The following DGAT1 variants were observed in gnomAD, a reference collection of about 807,000 sequenced individuals.
DGAT1 encodes diacylglycerol O-acyltransferase 1, also known as ACAT related gene product 1.
In DGAT1, 60 loss-of-function variants were observed where a neutral mutation model predicts 72.6. The ratio of observed to expected loss-of-function variants is 0.83; its 90% CI spans 0.67 to 1.02. The LOEUF (loss-of-function observed/expected upper bound fraction) is 1.02, where lower values mean the gene tolerates loss of function less well. DGAT1 is among the 50% of genes least tolerant of loss of function. The pLI, the probability that DGAT1 is intolerant of heterozygous loss-of-function variation, is 0.00. For missense variants in DGAT1, 592 were observed against 670.0 expected (o/e 0.88, Z 1.29); for synonymous variants, 290 against 267.5 (o/e 1.08, Z -0.82).
rs1817200361 is a variant in DGAT1, at chr8:144,316,021, C to G, written c.*533G>C. ...GTGGGTGCAAGTTGACCATCCTGCA[C>G]TGAGGGCCAGAGTGCCGATTCCCGC... On this transcript the variant is annotated 3_prime_UTR_variant, in exon 17 of 17. Coordinates refer to ENST00000528718, the MANE Select transcript of DGAT1 (RefSeq NM_012079.6). 1 of 825,920 alleles carries G rather than the reference C, an allele frequency of 1.2e-6. No individual in the cohort carries two copies. Among genetic ancestry groups the G allele is most frequent in the Non-Finnish European group, 1.5e-6 (1 of 682,788 alleles). 51.2% of individuals were successfully genotyped at this position (825,920 alleles called of 1,614,324 possible). A position where few individuals can be genotyped will look rare whatever the true frequency, so the allele number is the denominator to read the frequency against.
chr8:144,320,434 T>C (rs557810667), intron 2 of DGAT1, among the ~76,000 whole-genome samples: 7 of 152,254 alleles, frequency 4.6e-5, no homozygotes, highest in African/African-American at 1.7e-4. Flanking sequence ...CAGGGAACCT[T>C]CTAGGACCAT....
chr8:144,323,602 T>A (rs1554848428), intron 1 of DGAT1, among the ~76,000 whole-genome samples: 1 of 151,960 alleles, frequency 6.6e-6, no homozygotes, highest in Non-Finnish European at 1.5e-5. Context: ...GACTGGAGGA[T>A]CTGCCCAAGC....
In DGAT1 at chr8:144,317,122, G is replaced by T; in HGVS notation, c.1161-13C>A. On this transcript the variant is annotated splice_polypyrimidine_tract_variant and intron_variant, in intron 14 of 16. Transcript: ENST00000528718. ...CTTGTAGAAGTGTCTGCAGAGGAGG[G>T]GGCATGGAAAGCGGTTCAGGTTCAC... 1 of 1,612,748 alleles carries T rather than the reference G, an allele frequency of 6.2e-7. No individual in the cohort carries two copies. The highest frequency in any genetic ancestry group is 8.5e-7 in the Non-Finnish European group (1 of 1,179,616).
chr8:144,315,123 C>G lies in DGAT1; in HGVS notation c.*1431G>C. Reference sequence around the variant, plus strand: ...GCCTGGTGGAGGAAGGGAAGGGGGCCTGCGCTGGGCAGTGGAGCAGGCTTT... The same window carrying G: ...GCCTGGTGGAGGAAGGGAAGGGGGCGTGCGCTGGGCAGTGGAGCAGGCTTT... On this transcript the variant is annotated 3_prime_UTR_variant, in exon 17 of 17. Transcript: ENST00000528718. 4 of 985,540 alleles carry G rather than the reference C, an allele frequency of 4.1e-6. No homozygotes were observed. The South Asian group carries it at 1.9e-4, about 46-fold the overall frequency. The allele number at this position is 985,540 out of a possible 1,614,324, so 61.0% of individuals were successfully genotyped here.
rs782112528 is a variant in DGAT1 at position 144,317,646 on chromosome 8, C to T, written c.936+25G>A. The T allele has an allele frequency of 1.9e-6, 3 of 1,613,806 alleles. No homozygotes were observed. In the African/African-American group the frequency reaches 4.0e-5, roughly 22 times the overall value. The stretch of plus-strand genomic sequence containing the variant: ...CCTGGTCACTCCCCAGCCACCCCAG[C>T]TGCAAGAGCACCTGAGCCACTCACC... On this transcript the variant is annotated intron_variant, in intron 11 of 16. Transcript: ENST00000528718.
At position 144,318,169 on chromosome 8, in the gene DGAT1, G is replaced by A; in HGVS notation, c.677C>T (p.Ala226Val). Reference sequence around the variant, plus strand: ...ACTGCTGGCCTTCTTCCCTGCAGAGGCTACGAGCACAGCAGAGTGGGAGGG... The same window carrying A: ...ACTGCTGGCCTTCTTCCCTGCAGAGACTACGAGCACAGCAGAGTGGGAGGG... ...SWCRRARAKA[A>V]SAGKKASSAA... Residue 226 changes from alanine to valine, a missense_variant and splice_region_variant, in exon 8 of 17, where the codon GCC becomes GTC. By Grantham distance (64) the Ala-to-Val change is moderately conservative. Transcript: ENST00000528718. The A allele has an allele frequency of 1.9e-6, 3 of 1,602,824 alleles. No homozygotes were observed. The highest frequency in any genetic ancestry group is 2.6e-6 in the Non-Finnish European group (3 of 1,173,428).
chr8:144,321,903 C>T (rs1169859739), intron 1 of DGAT1, among the ~76,000 whole-genome samples: 2 of 152,336 alleles, frequency 1.3e-5, no homozygotes, highest in African/African-American at 4.8e-5. Context: ...CACACTTGGA[C>T]GTGCAGGCTC....
rs1221772159 is a variant in DGAT1 at position 144,316,799 on chromosome 8, G to C, written c.1311+54C>G. ...TGGGCATGGGGAGGGTCAGCCGAGG[G>C]GTTCAGGTGCGGGGTAACTGGGCGA... is the stretch of plus-strand genomic sequence containing the variant. On this transcript the variant is annotated intron_variant, in intron 16 of 16. Coordinates refer to ENST00000528718, the MANE Select transcript of DGAT1 (RefSeq NM_012079.6). The C allele has an allele frequency of 6.9e-6, 11 of 1,597,734 alleles. No homozygotes were observed. The Admixed American group carries it at 1.6e-4, about 23-fold the overall frequency.
chr8:144,317,530 C>G lies in DGAT1; in HGVS notation c.981+14G>C. The G allele has an allele frequency of 6.2e-7, 1 of 1,613,884 alleles. No individual in the cohort carries two copies. The highest frequency in any genetic ancestry group is 8.5e-7 in the Non-Finnish European group (1 of 1,180,014). ...CCCTCCTGTCCTGTGCATGCGCCAC[C>G]TGTCCGCACTCACCGCCAGCTTCAG... On this transcript the variant is annotated intron_variant, in intron 12 of 16. Transcript: ENST00000528718.
At position 144,317,610 on chromosome 8, in the gene DGAT1, C is replaced by T. The variant is rs200850838; in HGVS notation, c.937-22G>A. 14 of 1,613,832 alleles carry T rather than the reference C, an allele frequency of 8.7e-6. No homozygotes were observed. In the East Asian group the frequency reaches 1.1e-4, roughly 13 times the overall value. On this transcript the variant is annotated intron_variant, in intron 11 of 16. Transcript: ENST00000528718. ...TGTCCTGCAGAAACAAGCCCTTCAG[C>T]TAGCCATGCTCCTGGTCACTCCCCA...
Position 144,316,247 on chromosome 8 carries a change from C to G in DGAT1, c.*307G>C. 2.8e-6 allele frequency: 1 copy of G among 362,792 alleles called. No individual in the cohort carries two copies. The highest frequency in any genetic ancestry group is 5.1e-6 in the Non-Finnish European group (1 of 196,846). The allele number at this position is 362,792 out of a possible 1,614,324, so 22.5% of individuals were successfully genotyped here. ...CTGGCACTCGCCCTTGTGGGTGTGG[C>G]CATACCCCCCACCAGGCCCCAGGCC... On this transcript the variant is annotated 3_prime_UTR_variant, in exon 17 of 17. Coordinates refer to ENST00000528718, the MANE Select transcript of DGAT1 (RefSeq NM_012079.6).
intron 1 of DGAT1, 61 bp from the exon 2 acceptor site, chr8:144,321,469 C>A: frequency 1.4e-6 from 2 of 1,469,938 alleles, no homozygotes; most frequent in South Asian, 2.3e-5. Context: ...GCCACCCCCG[C>A]AGGATCCAGG....
rs1406801044 is a variant in DGAT1, at chr8:144,316,419, CAG to C, written c.*133_*134del. 8.7e-7 allele frequency: 1 copy of C among 1,152,350 alleles called. No individual in the cohort carries two copies. The highest frequency in any genetic ancestry group is 1.6e-5 in the African/African-American group (1 of 64,156). The allele number at this position is 1,152,350 out of a possible 1,614,324, so 71.4% of individuals were successfully genotyped here. On this transcript the variant is annotated 3_prime_UTR_variant, in exon 17 of 17. Transcript: ENST00000528718. ...GGTGCAGGACAGAGCCCCATAGGGG[CAG>C]AGAGGCCTCCCTGGGACCAGAGGAG...
At position 144,326,710 on chromosome 8, in the gene DGAT1, CCTCCGGGCCCTAGACAACGGCCGCCA is replaced by C. The variant is rs1817606090; in HGVS notation, c.-100_-75del. ...GTAGCGCCCGAGGCGCGCGGCCCCA[CCTCCGGGCCCTAGACAACGGCCGCCA>C]CTGCCCCCTGCCGGCCGCCGTAGCC... On this transcript the variant is annotated 5_prime_UTR_variant, in exon 1 of 17. Coordinates refer to ENST00000528718, the MANE Select transcript of DGAT1 (RefSeq NM_012079.6). 5 of 1,099,726 alleles carry C rather than the reference CCTCCGGGCCCTAGACAACGGCCGCCA, an allele frequency of 4.5e-6. No homozygotes were observed. The highest frequency in any genetic ancestry group is 2.2e-6 in the Non-Finnish European group (2 of 899,788). The allele number at this position is 1,099,726 out of a possible 1,614,324, so 68.1% of individuals were successfully genotyped here.
chr8:144,317,301 C>T, intron 13 of DGAT1, 32 bp downstream of exon 13: 2 of 1,613,350 alleles, frequency 1.2e-6, no homozygotes, highest in Non-Finnish European at 1.7e-6. Flanking sequence ...ATGGCCCATC[C>T]CAGCCCCCAG....
At chr8:144,321,712 C>T (rs1454563051) in intron 1 of DGAT1, among the ~76,000 whole-genome samples, 1 of 152,258 alleles carries the variant, frequency 6.6e-6, no homozygotes, top group South Asian at 2.1e-4. Flanking sequence ...AGGCCTCACT[C>T]TCCAGAGGCC....
chr8:144,317,984 C>G lies in DGAT1; in HGVS notation c.785G>C (p.Cys262Ser). ...AGAGCGGGGAAAGTTGAGCTCGTAG[C>G]ACAAGGTGGGGGCGAAGAGGAAGTA... ...LYYFLFAPTL[C>S]YELNFPRSPR... Residue 262 changes from cysteine to serine, a missense_variant, in exon 9 of 17, where the codon TGC becomes TCC. Physicochemically the swap from Cys to Ser is moderately radical, Grantham distance 112. Transcript: ENST00000528718. 1 of 1,519,288 alleles carries G rather than the reference C, an allele frequency of 6.6e-7. No homozygotes were observed. The highest frequency in any genetic ancestry group is 8.8e-7 in the Non-Finnish European group (1 of 1,135,924). 94.1% of individuals were successfully genotyped at this position (1,519,288 alleles called of 1,614,324 possible).
chr8:144,315,423 AGTCCTGGGACCCT>A lies in DGAT1; in HGVS notation c.*1118_*1130del, dbSNP rs1817167180. The A allele has an allele frequency of 1.0e-6, 1 of 985,418 alleles. No homozygotes were observed. The highest frequency in any genetic ancestry group is 1.2e-6 in the Non-Finnish European group (1 of 829,998). The allele number at this position is 985,418 out of a possible 1,614,324, so 61.0% of individuals were successfully genotyped here. ...AGGTTGCTGATGAGGCCCCTGGTGC[AGTCCTGGGACCCT>A]GTGCAGGGCCTCCTCAAACACCTGC... On this transcript the variant is annotated 3_prime_UTR_variant, in exon 17 of 17. Transcript: ENST00000528718.
Position 144,318,451 on chromosome 8 carries a change from G to A in DGAT1, c.574+10C>T. 1 of 1,610,254 alleles carries A rather than the reference G, an allele frequency of 6.2e-7. No individual in the cohort carries two copies. The highest frequency in any genetic ancestry group is 1.3e-5 in the African/African-American group (1 of 75,020). On this transcript the variant is annotated intron_variant, in intron 6 of 16. Transcript: ENST00000528718. Reference sequence around the variant, plus strand: ...CCGAGACAGATGGGCAGGGTGGGATGGGGGCGCACCTGGAGTGATAGACTC... The same window carrying A: ...CCGAGACAGATGGGCAGGGTGGGATAGGGGCGCACCTGGAGTGATAGACTC...
Sources: gnomAD v4.1 joint callset for allele counts (sites outside exome capture counted in the v4.1 genomes callset) on GRCh38, gnomAD v4.1.1 for gene constraint, MANE v1.5 for transcripts, NCBI Gene and HGNC (gene_info 2026-07-23, HGNC 2026-07-21) for gene names.